Variants in MLF1 observed in about 807,000 individuals in gnomAD.
The protein encoded by MLF1 is myelodysplasia-myeloid leukemia factor 1.
A neutral mutation model predicts 38.3 loss-of-function variants in MLF1; 37 were observed. That is an observed-to-expected ratio of 0.96 (90% confidence interval 0.74 to 1.27). The LOEUF is 1.27. MLF1 is among the 50% of genes most tolerant of loss of function. The pLI, the probability that MLF1 is intolerant of heterozygous loss-of-function variation, is 0.00. For synonymous variants in MLF1, 95 were observed against 106.5 expected (o/e 0.89, Z 0.66); for missense variants, 331 against 349.2 (o/e 0.95, Z 0.42).
At position 158,602,870 on chromosome 3, in the gene MLF1, A is replaced by T. The variant is rs772996192; in HGVS notation, c.677A>T (p.His226Leu). Reference protein sequence around the residue: ...SEVLKYKPGRHNLGNTRMRSV... With the variant: ...SEVLKYKPGRLNLGNTRMRSV... ...GTTTTGAAGTACAAACCAGGACGAC[A>T]CAATCTAGGAAACACTAGAATGAGA... is the stretch of plus-strand genomic sequence containing the variant. The change falls in exon 7 of 8, where the codon CAC (histidine) becomes CTC (leucine). Residue 226 changes from histidine (H) to leucine (L), a missense_variant. Physicochemically the swap from His to Leu is moderately conservative, Grantham distance 99 (BLOSUM62 -3). Transcript: ENST00000466246. The T allele has an allele frequency of 6.2e-7, 1 of 1,613,912 alleles. No homozygotes were observed. The highest frequency in any genetic ancestry group is 1.1e-5 in the South Asian group (1 of 91,072).
Position 158,572,836 on chromosome 3 carries a change from A to G in MLF1, c.47+1489A>G, listed in dbSNP as rs545745049. On this transcript the variant is annotated intron_variant, in intron 1 of 7. Transcript: ENST00000466246. ...AGGAGGATGGTTGAGGACGTGAGGT[A>G]GAGAGTTGAGGGCCCCAGGTAGGGG... Among the ~76,000 whole-genome samples, 4 of 150,130 alleles carry G rather than the reference A, an allele frequency of 2.7e-5. No homozygotes were observed. The South Asian group carries it at 8.6e-4, about 32-fold the overall frequency.
Position 158,600,081 on chromosome 3 carries a change from A to T in MLF1, c.521A>T (p.His174Leu). ...CTAGAAAAAATGGCTATTGGTCATC[A>T]TATCCATGACCGAGCTCATGTCATT... ...SGLEKMAIGH[H>L]IHDRAHVIKK... Residue 174 changes from histidine (H) to leucine (L), a missense_variant, in exon 6 of 8, where the codon CAT becomes CTT. By Grantham distance (99) the His-to-Leu change is moderately conservative. Coordinates refer to ENST00000466246, the MANE Select transcript of MLF1 (RefSeq NM_001369783.1). 1 of 1,474,900 alleles carries T rather than the reference A, an allele frequency of 6.8e-7. No individual in the cohort carries two copies. The highest frequency in any genetic ancestry group is 9.1e-7 in the Non-Finnish European group (1 of 1,103,760). The allele number at this position is 1,474,900 out of a possible 1,614,324, so 91.4% of individuals were successfully genotyped here.
chr3:158,576,417 CAA>C (rs1349724118), intron 1 of MLF1, among the ~76,000 whole-genome samples: 7 of 152,102 alleles, frequency 4.6e-5, no homozygotes, highest in African/African-American at 1.2e-4. Context: ...TATGTATAGA[CAA>C]GAGGATTTTG....
rs1213604763 is a variant in MLF1 at position 158,591,833 on chromosome 3, GATAA to G, written c.48-595_48-592del. On this transcript the variant is annotated intron_variant, in intron 1 of 7. Transcript: ENST00000466246. ...GTGTTGGTATTTTTATGCAATATGG[GATAA>G]ATAAAGATGTTTTTTTTATTATGCA... Among the ~76,000 whole-genome samples the G allele has an allele frequency of 3.0e-5, 4 of 135,268 alleles. No homozygotes were observed. In the South Asian group the frequency reaches 6.9e-4, roughly 23 times the overall value. 88.7% of individuals were successfully genotyped at this position (135,268 alleles called of 152,430 possible). A position where few individuals can be genotyped will look rare whatever the true frequency, so the allele number is the denominator to read the frequency against.
chr3:158,574,382 C>T (rs970943933), intron 1 of MLF1, among the ~76,000 whole-genome samples: 2 of 151,356 alleles, frequency 1.3e-5, no homozygotes, highest in Non-Finnish European at 2.9e-5. Flanking sequence ...TTTTGAAAGC[C>T]AGAGGCGAGG....
chr3:158,573,805 G>A (rs543960713), intron 1 of MLF1, among the ~76,000 whole-genome samples: 4 of 133,762 alleles, frequency 3.0e-5, no homozygotes, highest in African/African-American at 1.1e-4. Context: ...TGTGTTGTGC[G>A]TCTGTGTTTG....
chr3:158,593,317 G>C, intron 2 of MLF1, 65 bp from the exon 3 acceptor site: 1 of 1,231,948 alleles, frequency 8.1e-7, no homozygotes, highest in Non-Finnish European at 1.1e-6. Context: ...ACATTTAATT[G>C]GTAAATTGAG....
chr3:158,605,331 G>C lies in MLF1; in HGVS notation c.*129G>C. 1.7e-6 allele frequency: 1 copy of C among 598,246 alleles called. No individual in the cohort carries two copies. The highest frequency in any genetic ancestry group is 2.8e-6 in the Non-Finnish European group (1 of 352,618). The allele number at this position is 598,246 out of a possible 1,614,324, so 37.1% of individuals were successfully genotyped here. A position where few individuals can be genotyped will look rare whatever the true frequency, so the allele number is the denominator to read the frequency against. On this transcript the variant is annotated 3_prime_UTR_variant, in exon 8 of 8. Coordinates refer to ENST00000466246, the MANE Select transcript of MLF1 (RefSeq NM_001369783.1). Reference sequence around the variant, plus strand: ...CCTTGGCAACTTTCTTCTGATATCTGAATGTTCATGAAGGTCCTAGCTTTA... The same window carrying C: ...CCTTGGCAACTTTCTTCTGATATCTCAATGTTCATGAAGGTCCTAGCTTTA...
At chr3:158,584,667 G>GTT (rs1716933740) in intron 1 of MLF1, among the ~76,000 whole-genome samples, 1 of 129,618 alleles carries the variant, frequency 7.7e-6, no homozygotes, top group Admixed American at 7.4e-5. Flanking sequence ...AAGTGTGTGT[G>GTT]TGTGTGTGTG....
At chr3:158,597,201 T>G (rs1478503358) in intron 4 of MLF1, among the ~76,000 whole-genome samples, 1 of 152,100 alleles carries the variant, frequency 6.6e-6, no homozygotes, top group Non-Finnish European at 1.5e-5. Flanking sequence ...TACAACCCAC[T>G]AAATTGAGTT....
intron 1 of MLF1, among the ~76,000 whole-genome samples, chr3:158,585,138 GGT>G (rs1448636569): frequency 6.6e-6 from 1 of 151,952 alleles, no homozygotes; most frequent in Non-Finnish European, 1.5e-5. Flanking sequence ...CCCTAACATT[GGT>G]AGTGGGAGTT....
intron 6 of MLF1, among the ~76,000 whole-genome samples, chr3:158,601,135 T>C (rs1165768039): frequency 2.0e-5 from 3 of 152,130 alleles, no homozygotes; most frequent in Non-Finnish European, 2.9e-5. Flanking sequence ...TAAATTGTTG[T>C]ATTAAAAAAG....
intron 1 of MLF1, among the ~76,000 whole-genome samples, chr3:158,587,263 A>G (rs1250192182): frequency 2.6e-5 from 4 of 152,202 alleles, no homozygotes; most frequent in Admixed American, 2.6e-4. Context: ...CAGATAATGG[A>G]TTAAAATTGG....
At chr3:158,576,930 C>T (rs1327811771) in intron 1 of MLF1, among the ~76,000 whole-genome samples, 3 of 152,054 alleles carry the variant, frequency 2.0e-5, no homozygotes, top group South Asian at 2.1e-4. Flanking sequence ...CCTCAGCCTC[C>T]TAAAGTGCTG....
intron 7 of MLF1, among the ~76,000 whole-genome samples, chr3:158,603,984 A>G (rs939868098): frequency 6.6e-6 from 1 of 152,226 alleles, no homozygotes; most frequent in African/African-American, 2.4e-5. Context: ...ACCAGACCTT[A>G]AATAGAAATC....
chr3:158,587,608 A>G (rs1200777667), intron 1 of MLF1, among the ~76,000 whole-genome samples: 2 of 152,212 alleles, frequency 1.3e-5, no homozygotes. Context: ...CCTTTATGTA[A>G]TCTCCCCTTG....
rs747393842 is a variant in MLF1, at chr3:158,600,053, G to C, written c.493G>C (p.Gly165Arg). ...TRKAMRDSDS[G>R]LEKMAIGHHI... ...GAAAGCAATGAGAGATTCTGACAGT[G>C]GACTAGAAAAAATGGCTATTGGTCA... The change falls in exon 6 of 8, where the codon GGA becomes CGA. Residue 165 changes from glycine (G) to arginine (R), a missense_variant. By Grantham distance (125) the Gly-to-Arg change is moderately radical. Coordinates refer to ENST00000466246, the MANE Select transcript of MLF1 (RefSeq NM_001369783.1). 2 of 1,452,464 alleles carry C rather than the reference G, an allele frequency of 1.4e-6. No individual in the cohort carries two copies. Among genetic ancestry groups the C allele is most frequent in the Non-Finnish European group, 1.8e-6 (2 of 1,094,494 alleles). 90.0% of individuals were successfully genotyped at this position (1,452,464 alleles called of 1,614,324 possible).
chr3:158,587,853 T>G (rs1222949901), intron 1 of MLF1, among the ~76,000 whole-genome samples: 1 of 152,084 alleles, frequency 6.6e-6, no homozygotes, highest in African/African-American at 2.4e-5. Flanking sequence ...AGAAAAAAAT[T>G]AGCCGGGCCT....
In MLF1 at chr3:158,598,120, C is replaced by A. The variant is rs1366834704; in HGVS notation, c.365C>A (p.Ser122Tyr). Residue 122 changes from serine to tyrosine, a missense_variant, in exon 5 of 8, where the codon TCT becomes TAT. Transcript: ENST00000466246. ...SVDPNGHSFCSSSVMTYSKIG... is the reference protein window; with the variant it reads ...SVDPNGHSFCYSSVMTYSKIG... ...GATCCAAATGGACATTCATTTTGTTCTTCCTCAGTTATGACTTATTCCAAA... is the reference window on the plus strand; with the variant it reads ...GATCCAAATGGACATTCATTTTGTTATTCCTCAGTTATGACTTATTCCAAA... 6.2e-7 allele frequency: 1 copy of A among 1,613,518 alleles called. No homozygotes were observed. Among genetic ancestry groups the A allele is most frequent in the South Asian group, 1.1e-5 (1 of 90,950 alleles).
Sources: gnomAD v4.1 joint callset for allele counts (sites outside exome capture counted in the v4.1 genomes callset) on GRCh38, gnomAD v4.1.1 for gene constraint, MANE v1.5 for transcripts, NCBI Gene and HGNC (gene_info 2026-07-23, HGNC 2026-07-21) for gene names.